Variants in LRRC4C observed in about 807,000 individuals in gnomAD.
LRRC4C encodes leucine rich repeat containing 4C.
Under a neutral mutation model 33.6 loss-of-function variants are expected in LRRC4C, and 5 were observed. The ratio of observed to expected loss-of-function variants is 0.15; its 90% CI spans 0.08 to 0.31. The LOEUF (loss-of-function observed/expected upper bound fraction) is 0.31, where lower values mean the gene tolerates loss of function less well. Among genes scored for constraint, LRRC4C ranks in the 10% least tolerant of loss-of-function variants. LRRC4C has a pLI of 1.00. For missense variants in LRRC4C, 560 were observed against 796.7 expected, an observed-to-expected ratio of 0.70 and a Z score of 3.58; for synonymous variants, 329 against 302.0, an observed-to-expected ratio of 1.09 and a Z score of -0.93.
chr11:40,262,437 A>T (rs1941923581), intron 4 of LRRC4C, among the ~76,000 whole-genome samples: 1 of 152,184 alleles, frequency 6.6e-6, no homozygotes, highest in Non-Finnish European at 1.5e-5. Context: ...TTCCTCAAGG[A>T]TCTAGAGCCA....
chr11:40,604,161 A>G (rs1960317552), intron 3 of LRRC4C, among the ~76,000 whole-genome samples: 1 of 152,148 alleles, frequency 6.6e-6, no homozygotes, highest in Non-Finnish European at 1.5e-5. Flanking sequence ...GCAGACATAT[A>G]TATAAATTTA....
chr11:40,639,616 G>T (rs1565587784), intron 3 of LRRC4C, among the ~76,000 whole-genome samples: 2 of 152,188 alleles, frequency 1.3e-5, no homozygotes, highest in Non-Finnish European at 2.9e-5. Flanking sequence ...ATAGATGCAT[G>T]CCATTTGGTT....
At chr11:40,808,306 T>C (rs563588261) in intron 2 of LRRC4C, among the ~76,000 whole-genome samples, 2 of 152,216 alleles carry the variant, frequency 1.3e-5, no homozygotes, top group South Asian at 2.1e-4. Context: ...ATGATAATGA[T>C]AAATTCATCA....
intron 1 of LRRC4C, among the ~76,000 whole-genome samples, chr11:41,402,596 C>T (rs139137516): frequency 9.6e-4 from 146 of 151,970 alleles, no homozygotes; most frequent in African/African-American, 3.3e-3. Context: ...AATATATTTG[C>T]GTCTAAAGAG....
intron 1 of LRRC4C, among the ~76,000 whole-genome samples, chr11:41,236,586 C>T (rs944899489): frequency 1.3e-5 from 2 of 150,946 alleles, no homozygotes; most frequent in African/African-American, 4.9e-5. Flanking sequence ...AAAAAAAAAA[C>T]CTATTTCATA....
At chr11:40,592,282 G>T (rs1384974497) in intron 3 of LRRC4C, among the ~76,000 whole-genome samples, 1 of 152,206 alleles carries the variant, frequency 6.6e-6, no homozygotes, top group Admixed American at 6.5e-5. Context: ...GAATGGATAA[G>T]TTAACATGAC....
intron 4 of LRRC4C, among the ~76,000 whole-genome samples, chr11:40,260,946 T>A (rs936367795): frequency 6.6e-6 from 1 of 152,132 alleles, no homozygotes; most frequent in Non-Finnish European, 1.5e-5. Context: ...AGCGTTGCAA[T>A]CATAGCTCAC....
At chr11:40,586,808 G>A (rs182863779) in intron 3 of LRRC4C, among the ~76,000 whole-genome samples, 4 of 151,952 alleles carry the variant, frequency 2.6e-5, no homozygotes, top group Admixed American at 2.6e-4. Context: ...TATTTCTGAG[G>A]GCTCTGTTCT....
rs1952831591 is a variant in LRRC4C, at chr11:40,839,746, G to T, written c.-407+93889C>A. ...ATCTTCAAAACTGTTAAACGCTAAG[G>T]CAGTGACTTACAGGGTCACTTACCA... On this transcript the variant is annotated intron_variant, in intron 2 of 6. Transcript: ENST00000528697. Among the ~76,000 whole-genome samples, 3 of 152,296 alleles carry T rather than the reference G, an allele frequency of 2.0e-5. No individual in the cohort carries two copies. The South Asian group carries it at 6.2e-4, about 32-fold the overall frequency.
intron 3 of LRRC4C, among the ~76,000 whole-genome samples, chr11:40,476,571 C>T (rs7122722): frequency 0.026 from 3,960 of 151,992 alleles, 178 homozygotes; most frequent in African/African-American, 0.09. Flanking sequence ...GTCTCAAACT[C>T]CTGACCTCGT....
chr11:40,825,949 G>A (rs968351942), intron 2 of LRRC4C, among the ~76,000 whole-genome samples: 2 of 65,578 alleles, frequency 3.0e-5, no homozygotes, highest in Non-Finnish European at 8.2e-5. Context: ...CTGGGGGGGG[G>A]GCGTCTCACA....
At chr11:41,120,160 T>C (rs1942347730) in intron 1 of LRRC4C, among the ~76,000 whole-genome samples, 1 of 152,006 alleles carries the variant, frequency 6.6e-6, no homozygotes, top group Non-Finnish European at 1.5e-5. Context: ...ACTCAGAAAA[T>C]GACAAATTCC....
chr11:40,557,994 T>C (rs1266564347), intron 3 of LRRC4C, among the ~76,000 whole-genome samples: 3 of 152,182 alleles, frequency 2.0e-5, no homozygotes, highest in East Asian at 3.9e-4. Context: ...CAGAGTATAC[T>C]AGGGCAACAC....
chr11:40,788,624 A>G (rs747867063), intron 2 of LRRC4C, among the ~76,000 whole-genome samples: 1 of 152,122 alleles, frequency 6.6e-6, no homozygotes, highest in Non-Finnish European at 1.5e-5. Flanking sequence ...TTTTTGTTTC[A>G]TGACCAGTAA....
intron 5 of LRRC4C, among the ~76,000 whole-genome samples, chr11:40,194,341 C>G (rs1365738694): frequency 6.6e-6 from 1 of 152,134 alleles, no homozygotes; most frequent in East Asian, 1.9e-4. Context: ...AATTTCACAT[C>G]CAGCCAAACT....
intron 2 of LRRC4C, among the ~76,000 whole-genome samples, chr11:40,759,032 C>A (rs746682328): frequency 2.0e-5 from 3 of 149,248 alleles, no homozygotes; most frequent in Non-Finnish European, 4.4e-5. Flanking sequence ...CAAGTAGCAC[C>A]CTGTTAGTTA....
intron 2 of LRRC4C, among the ~76,000 whole-genome samples, chr11:40,765,714 C>A (rs1449253761): frequency 1.3e-5 from 2 of 150,992 alleles, no homozygotes; most frequent in Non-Finnish European, 2.9e-5. Flanking sequence ...CTCTTAACAG[C>A]AGAATTGATC....
intron 1 of LRRC4C, among the ~76,000 whole-genome samples, chr11:41,403,166 T>C (rs1954090529): frequency 6.6e-6 from 1 of 152,132 alleles, no homozygotes; most frequent in African/African-American, 2.4e-5. Flanking sequence ...AGGTGTGTTC[T>C]ATGTAAATAT....
rs369057248 is a variant in LRRC4C, at chr11:40,206,099, C to T, written c.-96+35420G>A. Among the ~76,000 whole-genome samples, 5 of 151,956 alleles carry T rather than the reference C, an allele frequency of 3.3e-5. 1 individual carries two copies. In the South Asian group the frequency reaches 1.0e-3, roughly 32 times the overall value. On this transcript the variant is annotated intron_variant, in intron 5 of 6. Transcript: ENST00000528697. The stretch of plus-strand genomic sequence containing the variant: ...AGGGCAAAGTTATTTATCTTATTAG[C>T]CTATAATAAGCAGTATAGTGCCTAA...
Sources: gnomAD v4.1 joint callset for allele counts (sites outside exome capture counted in the v4.1 genomes callset) on GRCh38, gnomAD v4.1.1 for gene constraint, MANE v1.5 for transcripts, NCBI Gene and HGNC (gene_info 2026-07-23, HGNC 2026-07-21) for gene names.